The following ANK1 variants were observed in gnomAD, a reference collection of about 807,000 sequenced individuals.
ANK1 encodes the protein ankyrin-1.
ANK1 carries 51 observed loss-of-function variants against 210.4 expected under a neutral mutation model. The observed-to-expected ratio is 0.24, with a 90% CI of 0.19 to 0.31. ANK1 has a LOEUF of 0.31. Among genes scored for constraint, ANK1 ranks in the 10% least tolerant of loss-of-function variants. ANK1 has a pLI of 1.00. For synonymous variants in ANK1, 967 were observed against 1,025.9 expected (o/e 0.94, Z 1.10); for missense variants, 2,051 against 2,504.4 (o/e 0.82, Z 3.86).
At chr8:41,796,535 CCT>C (rs1225684689) in intron 1 of ANK1, among the ~76,000 whole-genome samples, 2 of 150,340 alleles carry the variant, frequency 1.3e-5, no homozygotes, top group Non-Finnish European at 3.0e-5. Flanking sequence ...CTCTACAGAG[CCT>C]CTCTCTCCTT....
intron 22 of ANK1, 65 bp downstream of exon 22, chr8:41,701,485 C>T: frequency 6.7e-7 from 1 of 1,491,412 alleles, no homozygotes; most frequent in Non-Finnish European, 9.4e-7. Flanking sequence ...TGGCAGGAAG[C>T]CCCCTTGGAG....
chr8:41,823,982 CAG>C lies in ANK1; in HGVS notation c.127-65847_127-65846del, dbSNP rs1255520793. On this transcript the variant is annotated intron_variant, in intron 1 of 42. Transcript: ENST00000265709. ...GTTTTGTCTTGTTTTGTTTTTGAGA[CAG>C]AGTCTCGCTCTGTTGCCCAGGCTGG... 1.4e-4 allele frequency among the ~76,000 whole-genome samples: 21 copies of C among 152,182 alleles called. No homozygotes were observed. In the East Asian group the frequency reaches 1.5e-3, roughly 11 times the overall value.
intron 16 of ANK1, among the ~76,000 whole-genome samples, chr8:41,713,294 C>T (rs187912965): frequency 6.6e-6 from 1 of 152,292 alleles, no homozygotes; most frequent in African/African-American, 2.4e-5. Context: ...CGCTCCCTCT[C>T]CTCTCCCCTT....
chr8:41,853,393 A>G (rs1166167472), intron 1 of ANK1, among the ~76,000 whole-genome samples: 1 of 152,256 alleles, frequency 6.6e-6, no homozygotes, highest in Non-Finnish European at 1.5e-5. Context: ...AGGGAAAAAT[A>G]GCAAACTTAA....
Position 41,797,415 on chromosome 8 carries a change from G to T in ANK1, c.27+97C>A. ...CGGGGAGGCGAGGCGGGTGGGGTGT[G>T]CAAAGCTGCTCTTGCTCGCGTGCTG... On this transcript the variant is annotated intron_variant, in intron 1 of 42. Transcript: ENST00000289734. This position sits in a 1 kb window ranked among gnomAD's most constrained non-coding sequence, Gnocchi z 4.0. 8.7e-7 allele frequency: 1 copy of T among 1,152,580 alleles called. No individual in the cohort carries two copies. Among genetic ancestry groups the T allele is most frequent in the Non-Finnish European group, 1.3e-6 (1 of 785,434 alleles). 71.4% of individuals were successfully genotyped at this position (1,152,580 alleles called of 1,614,324 possible). A position where few individuals can be genotyped will look rare whatever the true frequency, so the allele number is the denominator to read the frequency against.
At chr8:41,747,622 G>T (rs986762777) in intron 2 of ANK1, among the ~76,000 whole-genome samples, 1 of 152,166 alleles carries the variant, frequency 6.6e-6, no homozygotes, top group Non-Finnish European at 1.5e-5. Context: ...CACCTTCATG[G>T]AACCTGCCAC....
rs508112 is a variant in ANK1, at chr8:41,672,338, A to G, written c.5096+16T>C. ...GAAGACAAAAAGGGACCCTGCTCCC[A>G]CAGTCAAGCTCTTACCTGTCCTGAC... On this transcript the variant is annotated intron_variant, in intron 38 of 42. Transcript: ENST00000289734. 1,606,263 of 1,613,436 alleles carry G rather than the reference A, an allele frequency of 1. 799,783 individuals are homozygous for G. The highest frequency in any genetic ancestry group is 1 in the East Asian group (44,855 of 44,858).
intron 1 of ANK1, among the ~76,000 whole-genome samples, chr8:41,786,130 G>A (rs1352692202): frequency 6.6e-6 from 1 of 152,208 alleles, no homozygotes; most frequent in Non-Finnish European, 1.5e-5. Context: ...TGTGGTCGAG[G>A]CACAGCCCAT....
At chr8:41,664,685 G>A (rs1809769200) in intron 39 of ANK1, 3 of 1,024,564 alleles carry the variant, frequency 2.9e-6, no homozygotes, top group Non-Finnish European at 2.9e-6. Context: ...GGGGCCTCCT[G>A]GTCCTTTTCC....
upstream of ANK1, among the ~76,000 whole-genome samples, chr8:41,800,221 T>G (rs74447180): frequency 9.7e-4 from 147 of 152,224 alleles, no homozygotes; most frequent in East Asian, 0.027. Context: ...AACATATATA[T>G]AGTGCTTTCC....
intron 1 of ANK1, among the ~76,000 whole-genome samples, chr8:41,894,870 A>G (rs1251512421): frequency 6.6e-6 from 1 of 151,210 alleles, no homozygotes; most frequent in African/African-American, 2.4e-5. Context: ...GGTGGCACCA[A>G]CCCAAACTCT....
At position 41,654,340 on chromosome 8, in the gene ANK1, T is replaced by C. The variant is rs1253979401; in HGVS notation, c.*1450A>G. 2 of 152,550 alleles carry C rather than the reference T, an allele frequency of 1.3e-5. No individual in the cohort carries two copies. The highest frequency in any genetic ancestry group is 2.9e-5 in the Non-Finnish European group (2 of 68,034). 9.4% of individuals were successfully genotyped at this position (152,550 alleles called of 1,614,324 possible). ...GGCCCCGGCCTCTGGGCGTCCAGGC[T>C]CTCCGCCTCCGACTCTACTCTCACC... On this transcript the variant is annotated 3_prime_UTR_variant, in exon 43 of 43. Transcript: ENST00000289734.
rs559614601 is a variant in ANK1, at chr8:41,868,214, A to G, written c.126+28141T>C. On this transcript the variant is annotated intron_variant, in intron 1 of 42. Coordinates refer to the ANK1 transcript ENST00000265709. ...AACAGTATTAAGACAGGGTTTCTCA[A>G]CCTCAGCACTATTGGGGCCATTTGG... Among the ~76,000 whole-genome samples, 7 of 152,284 alleles carry G rather than the reference A, an allele frequency of 4.6e-5. 1 individual carries two copies. In the South Asian group the frequency reaches 8.3e-4, roughly 18 times the overall value.
At chr8:41,757,214 A>C (rs531891619) in intron 2 of ANK1, among the ~76,000 whole-genome samples, 2 of 152,354 alleles carry the variant, frequency 1.3e-5, no homozygotes, top group East Asian at 3.9e-4. Flanking sequence ...GACCACAATT[A>C]AACACACATT....
rs549514105 is a variant in ANK1, at chr8:41,840,611, A to G, written c.126+55744T>C. ...AGCTGGCTTCTCTCTGTGTCCTCACACTACTGAGAGGGGAAGCTCTGGTGT... is the reference window on the plus strand; with the variant it reads ...AGCTGGCTTCTCTCTGTGTCCTCACGCTACTGAGAGGGGAAGCTCTGGTGT... On this transcript the variant is annotated intron_variant, in intron 1 of 42. Coordinates refer to the ANK1 transcript ENST00000265709. 3.9e-3 allele frequency among the ~76,000 whole-genome samples: 589 copies of G among 152,278 alleles called. 4 individuals carry two copies. The highest frequency in any genetic ancestry group is 0.013 in the African/African-American group (558 of 41,558).
At chr8:41,803,049 AAG>A (rs1435871938) in intron 1 of ANK1, among the ~76,000 whole-genome samples, 1 of 82,740 alleles carries the variant, frequency 1.2e-5, no homozygotes, top group Non-Finnish European at 2.6e-5. Context: ...AAGAGAAAGA[AAG>A]AAAGAGAGAA....
chr8:41,862,074 T>G (rs1239461198), intron 1 of ANK1, among the ~76,000 whole-genome samples: 1 of 152,098 alleles, frequency 6.6e-6, no homozygotes, highest in African/African-American at 2.4e-5. Flanking sequence ...GGAACAAAAT[T>G]TCGGGGAAAT....
chr8:41,692,420 G>C (rs371258244), intron 31 of ANK1, among the ~76,000 whole-genome samples: 1 of 152,224 alleles, frequency 6.6e-6, no homozygotes, highest in African/African-American at 2.4e-5. Context: ...TCTTTTCATA[G>C]ATCACTGGAC....
At chr8:41,818,849 A>T (rs1803740118) in intron 1 of ANK1, among the ~76,000 whole-genome samples, 4 of 152,182 alleles carry the variant, frequency 2.6e-5, no homozygotes. Flanking sequence ...ACAGGCACAG[A>T]TAAGGGATTG....
Sources: gnomAD v4.1 joint callset for allele counts (sites outside exome capture counted in the v4.1 genomes callset) on GRCh38, gnomAD v4.1.1 for gene constraint, Gnocchi (gnomAD v3.1) non-coding constraint, MANE v1.5 for transcripts, NCBI Gene and HGNC (gene_info 2026-07-23, HGNC 2026-07-21) for gene names.